Variants in ERN2 observed in about 807,000 individuals in gnomAD.
ERN2 encodes the protein serine/threonine-protein kinase/endoribonuclease IRE2.
A neutral mutation model predicts 107.9 loss-of-function variants in ERN2; 111 were observed. That is an observed-to-expected ratio of 1.03 (90% CI 0.88 to 1.20). The LOEUF is 1.20. Ranked by LOEUF, ERN2 falls within the 50% of genes most tolerant of loss-of-function variation. The pLI is 0.00. For synonymous variants in ERN2, 524 were observed against 501.7 expected (o/e 1.04, Z -0.59); for missense variants, 1,225 against 1,197.9 (o/e 1.02, Z -0.33).
In ERN2 at chr16:23,713,076, G is replaced by C. The variant is rs1314227564; in HGVS notation, c.93+19C>G. 6.6e-7 allele frequency: 1 copy of C among 1,510,320 alleles called. No individual in the cohort carries two copies. The highest frequency in any genetic ancestry group is 1.4e-5 in the African/African-American group (1 of 70,084). The allele number at this position is 1,510,320 out of a possible 1,614,324, so 93.6% of individuals were successfully genotyped here. ...CGCGACCAGACTTTGGGGACTTGGC[G>C]TCGGTCCCTGGCTCTCACCTGTGGA... On this transcript the variant is annotated intron_variant, in intron 1 of 21. Transcript: ENST00000256797.
chr16:23,707,797 C>T (rs1041564146), intron 4 of ERN2, among the ~76,000 whole-genome samples: 4 of 152,202 alleles, frequency 2.6e-5, no homozygotes, highest in Non-Finnish European at 5.9e-5. Flanking sequence ...TCCAAAACAA[C>T]TCACATGAAT....
chr16:23,706,919 G>T, intron 5 of ERN2, 58 bp from the exon 6 acceptor site: 1 of 1,568,590 alleles, frequency 6.4e-7, no homozygotes. Flanking sequence ...GTGTGGCCCC[G>T]CCACTCTTGT....
intron 2 of ERN2, 50 bp from the exon 3 acceptor site, chr16:23,710,599 G>A: frequency 6.3e-7 from 1 of 1,596,106 alleles, no homozygotes; most frequent in South Asian, 1.1e-5. Context: ...AGACCCCACT[G>A]AAAAGCACAG....
In ERN2 at chr16:23,700,624, C is replaced by G. The variant is rs777499018; in HGVS notation, c.1440G>C (p.Gln480His). The change falls in exon 13 of 22, where the codon CAG (glutamine) becomes CAC (histidine). Residue 480 changes from glutamine (Q) to histidine (H), a missense_variant. Physicochemically the swap from Gln to His is conservative, Grantham distance 24. Coordinates refer to ENST00000256797, the MANE Select transcript of ERN2 (RefSeq NM_033266.4). ...ADFAHISQDA[Q>H]SLHSGASRRS... Reference sequence around the variant, plus strand: ...TCCGGCTGGCCCCCGAGTGCAGGGACTGGGCATCCTGGGAGATGTGAGCAA... The same window carrying G: ...TCCGGCTGGCCCCCGAGTGCAGGGAGTGGGCATCCTGGGAGATGTGAGCAA... 9 of 1,614,168 alleles carry G rather than the reference C, an allele frequency of 5.6e-6. No homozygotes were observed. The South Asian group carries it at 9.9e-5, about 18-fold the overall frequency.
In ERN2 at chr16:23,701,016, C is replaced by T; in HGVS notation, c.1302G>A (p.Leu434=). Residue 434 remains leucine (L), a synonymous_variant, in exon 12 of 22, where the codon CTG becomes CTA. Transcript: ENST00000256797. ...SYLGLGPQDL[L]AASLTAVLLG... is the part of the protein sequence containing the mutation. Reference sequence around the variant, plus strand: ...GGAGGACAGCAGTGAGGCTAGCTGCCAGCAGGTCTTGGGGTCCCAGCCCCA... The same window carrying T: ...GGAGGACAGCAGTGAGGCTAGCTGCTAGCAGGTCTTGGGGTCCCAGCCCCA... 6.2e-7 allele frequency: 1 copy of T among 1,614,160 alleles called. No individual in the cohort carries two copies. Among genetic ancestry groups the T allele is most frequent in the Non-Finnish European group, 8.5e-7 (1 of 1,180,026 alleles).
chr16:23,708,829 T>C (rs1480943048), intron 4 of ERN2, among the ~76,000 whole-genome samples: 2 of 152,216 alleles, frequency 1.3e-5, no homozygotes, highest in Non-Finnish European at 2.9e-5. Context: ...AAGCAGAAGC[T>C]ACTACATTTC....
Position 23,713,150 on chromosome 16 carries a change from C to A in ERN2, c.38G>T (p.Arg13Leu), listed in dbSNP as rs1287024187. ...CGCGAACTGGAGCTGGAGCCCCAGCCGGGGCCACGGCCTCGACCCCCTGAC... is the reference window on the plus strand; with the variant it reads ...CGCGAACTGGAGCTGGAGCCCCAGCAGGGGCCACGGCCTCGACCCCCTGAC... The part of the protein sequence containing the change: ...SAVRGSRPWP[R>L]LGLQLQFAAL... The change falls in exon 1 of 22, where the codon CGG (arginine) becomes CTG (leucine). Residue 13 changes from arginine to leucine, a missense_variant. Physicochemically the swap from Arg to Leu is moderately radical, Grantham distance 102. Transcript: ENST00000256797. 2 of 1,574,000 alleles carry A rather than the reference C, an allele frequency of 1.3e-6. No individual in the cohort carries two copies. Among genetic ancestry groups the A allele is most frequent in the South Asian group, 1.2e-5 (1 of 86,192 alleles).
intron 12 of ERN2, 31 bp from the exon 13 acceptor site, chr16:23,700,735 C>T (rs1356377582): frequency 3.1e-6 from 5 of 1,591,622 alleles, no homozygotes; most frequent in Non-Finnish European, 4.3e-6. Flanking sequence ...AGAGCTTTGT[C>T]CTGGCCACGC....
intron 17 of ERN2, 44 bp downstream of exon 17, chr16:23,694,684 C>G: frequency 6.6e-7 from 1 of 1,514,438 alleles, no homozygotes; most frequent in Non-Finnish European, 8.9e-7. Flanking sequence ...ATTCCTGCAG[C>G]CTGGGGCAGC....
At chr16:23,697,175 AT>A (rs1376466897) in intron 13 of ERN2, 1 of 110,496 alleles carries the variant, frequency 9.1e-6, no homozygotes, top group Non-Finnish European at 1.9e-5. Context: ...TATCTCAATA[AT>A]TAATAATAAT....
intron 1 of ERN2, among the ~76,000 whole-genome samples, chr16:23,711,716 AGTTAGGTCATTG>A (rs1350789128): frequency 3.3e-5 from 5 of 152,220 alleles, no homozygotes; most frequent in Admixed American, 3.3e-4. Flanking sequence ...GGCTCAGGAA[AGTTAGGTCATTG>A]GTTAGGTCAT....
Position 23,690,525 on chromosome 16 carries a change from G to A in ERN2, c.*306C>T, listed in dbSNP as rs1959540103. 2.1e-6 allele frequency: 1 copy of A among 477,384 alleles called. No homozygotes were observed. The highest frequency in any genetic ancestry group is 3.8e-6 in the Non-Finnish European group (1 of 259,770). The allele number at this position is 477,384 out of a possible 1,614,324, so 29.6% of individuals were successfully genotyped here. The stretch of plus-strand genomic sequence containing the variant: ...GCTGGAGTGCAGTGGCATGATCCTG[G>A]CTCACTGCAGCCTCGAACTCCTGGG... On this transcript the variant is annotated 3_prime_UTR_variant, in exon 22 of 22. Transcript: ENST00000256797.
intron 21 of ERN2, 27 bp from the exon 22 acceptor site, chr16:23,691,070 T>C (rs1369256842): frequency 1.2e-6 from 2 of 1,613,754 alleles, no homozygotes; most frequent in East Asian, 2.2e-5. Context: ...CAGAGAACCC[T>C]GGCTCAGCTG....
intron 4 of ERN2, among the ~76,000 whole-genome samples, chr16:23,709,437 A>G (rs532185604): frequency 6.6e-6 from 1 of 152,276 alleles, no homozygotes; most frequent in African/African-American, 2.4e-5. Flanking sequence ...GTGTCCCTTC[A>G]CACGGTGAGT....
At position 23,695,250 on chromosome 16, in the gene ERN2, G is replaced by C; in HGVS notation, c.1750C>G (p.Pro584Ala). 6.2e-7 allele frequency: 1 copy of C among 1,614,126 alleles called. No individual in the cohort carries two copies. The change falls in exon 15 of 22, where the codon CCC becomes GCC. Residue 584 changes from proline to alanine, a missense_variant. By Grantham distance (27) the Pro-to-Ala change is conservative. Coordinates refer to ENST00000256797, the MANE Select transcript of ERN2 (RefSeq NM_033266.4). ...VLRYFCTERG[P>A]QFHYIALELC... is the part of the protein sequence containing the mutation. ...TCCAGGGCAATGTAGTGGAACTGGG[G>C]TCCCCGCTCGGTGCAGAAGTAGCGG...
chr16:23,711,518 G>A (rs1960539739), intron 1 of ERN2, among the ~76,000 whole-genome samples: 1 of 150,298 alleles, frequency 6.7e-6, no homozygotes, highest in African/African-American at 2.5e-5. Context: ...CATCACACCT[G>A]GCTAATTTTT....
intron 13 of ERN2, among the ~76,000 whole-genome samples, chr16:23,699,177 A>C (rs1410479522): frequency 2.0e-5 from 3 of 152,086 alleles, no homozygotes; most frequent in African/African-American, 7.2e-5. Context: ...AAAAGAGCTG[A>C]CCCCTGAGGA....
rs1245152627 is a variant in ERN2, at chr16:23,690,378, A to T, written c.*453T>A. 2.1e-6 allele frequency: 1 copy of T among 481,138 alleles called. No individual in the cohort carries two copies. The highest frequency in any genetic ancestry group is 3.8e-6 in the Non-Finnish European group (1 of 265,480). 29.8% of individuals were successfully genotyped at this position (481,138 alleles called of 1,614,324 possible). On this transcript the variant is annotated 3_prime_UTR_variant, in exon 22 of 22. Transcript: ENST00000256797. ...CAGATGTGAATATTCTTTTTCTTGTATTTCCTGAGGGGTGCCAGGGCCTGG... is the reference window on the plus strand; with the variant it reads ...CAGATGTGAATATTCTTTTTCTTGTTTTTCCTGAGGGGTGCCAGGGCCTGG...
chr16:23,702,807 A>T, intron 8 of ERN2, 105 bp from the exon 9 acceptor site: 1 of 978,368 alleles, frequency 1.0e-6, no homozygotes, highest in Non-Finnish European at 1.6e-6. Context: ...ACATTGACTC[A>T]GCTTAGCCAT....
Sources: allele counts gnomAD v4.1 joint callset (sites outside exome capture counted in the v4.1 genomes callset), GRCh38; gene constraint gnomAD v4.1.1; transcripts MANE v1.5; gene names NCBI Gene and HGNC (gene_info 2026-07-23, HGNC 2026-07-21).